Variants in EPHA6 observed in about 807,000 individuals in gnomAD.
The protein encoded by EPHA6 is ephrin type-A receptor 6.
EPHA6 carries 50 observed loss-of-function variants against 112.0 expected under a neutral mutation model. The observed-to-expected ratio is 0.45, with a 90% CI of 0.36 to 0.56. EPHA6 has a LOEUF of 0.56. EPHA6 is among the 20% of genes least tolerant of loss of function. EPHA6 has a pLI of 0.00. For synonymous variants in EPHA6, 529 were observed against 490.7 expected (o/e 1.08, Z -1.03); for missense variants, 1,280 against 1,417.4 (o/e 0.90, Z 1.56).
At chr3:96,978,152 C>A (rs1214488910) in intron 2 of EPHA6, among the ~76,000 whole-genome samples, 1 of 151,918 alleles carries the variant, frequency 6.6e-6, no homozygotes, top group Non-Finnish European at 1.5e-5. Flanking sequence ...AGAGTGAGAC[C>A]CTATCTCAGA....
chr3:97,494,337 CAGTA>C (rs1391315735), intron 10 of EPHA6, among the ~76,000 whole-genome samples: 1 of 152,164 alleles, frequency 6.6e-6, no homozygotes, highest in Non-Finnish European at 1.5e-5. Flanking sequence ...ACTTTCCTCG[CAGTA>C]AGTGACACTT....
At chr3:97,652,478 G>C (rs949937190) in intron 14 of EPHA6, among the ~76,000 whole-genome samples, 1 of 152,024 alleles carries the variant, frequency 6.6e-6, no homozygotes, top group Non-Finnish European at 1.5e-5. Context: ...GTCAGTTATA[G>C]TTATACCACT....
At chr3:97,541,273 A>G (rs764315030) in intron 11 of EPHA6, among the ~76,000 whole-genome samples, 1 of 152,194 alleles carries the variant, frequency 6.6e-6, no homozygotes, top group African/African-American at 2.4e-5. Flanking sequence ...TCATTTTGGT[A>G]TAATTTCAGT....
intron 14 of EPHA6, among the ~76,000 whole-genome samples, chr3:97,669,529 A>G (rs1334201580): frequency 6.6e-6 from 1 of 151,572 alleles, no homozygotes; most frequent in Non-Finnish European, 1.5e-5. Flanking sequence ...GCTTAGGCTG[A>G]GAGAGGAGGA....
At chr3:97,534,566 C>T (rs2092737647) in intron 11 of EPHA6, among the ~76,000 whole-genome samples, 1 of 145,442 alleles carries the variant, frequency 6.9e-6, no homozygotes, top group Non-Finnish European at 1.5e-5. Flanking sequence ...AATTAAATAA[C>T]ATAATTCTGC....
chr3:97,566,782 T>G (rs1406813193), intron 11 of EPHA6, among the ~76,000 whole-genome samples: 2 of 152,176 alleles, frequency 1.3e-5, no homozygotes, highest in Non-Finnish European at 2.9e-5. Flanking sequence ...TACTATCCGG[T>G]GAGCTTTTTC....
Position 97,424,184 on chromosome 3 carries a change from A to G in EPHA6, c.1731+18910A>G, listed in dbSNP as rs185032640. 8.1e-3 allele frequency among the ~76,000 whole-genome samples: 1,227 copies of G among 152,294 alleles called. 20 individuals are homozygous for G. Among genetic ancestry groups the G allele is most frequent in the African/African-American group, 0.028 (1,144 of 41,558 alleles). ...AGGAACTCTCATTTATAAAACCATC[A>G]GATCTCCTGAGACTTGTTCAGTACC... On this transcript the variant is annotated intron_variant, in intron 6 of 17. Transcript: ENST00000389672.
At chr3:97,235,541 T>C (rs1215467477) in intron 4 of EPHA6, among the ~76,000 whole-genome samples, 1 of 152,156 alleles carries the variant, frequency 6.6e-6, no homozygotes, top group Non-Finnish European at 1.5e-5. Flanking sequence ...CTCTCAACTT[T>C]CCTTTGGGTT....
chr3:97,157,301 A>G (rs1438880471), intron 3 of EPHA6, among the ~76,000 whole-genome samples: 1 of 152,118 alleles, frequency 6.6e-6, no homozygotes, highest in East Asian at 1.9e-4. Context: ...AGTACATTCT[A>G]TTGCTTCCAG....
At chr3:96,948,561 CT>C (rs2041386846) in intron 2 of EPHA6, among the ~76,000 whole-genome samples, 1 of 152,100 alleles carries the variant, frequency 6.6e-6, no homozygotes, top group African/African-American at 2.4e-5. Flanking sequence ...TGTAATTACA[CT>C]TTGATTAAAA....
chr3:96,816,241 T>G (rs1044423951), intron 1 of EPHA6, among the ~76,000 whole-genome samples: 1 of 152,212 alleles, frequency 6.6e-6, no homozygotes, highest in Non-Finnish European at 1.5e-5. Flanking sequence ...TTTGGCATAT[T>G]TTCCTAATTA....
chr3:97,452,715 C>T (rs950519872), intron 7 of EPHA6, among the ~76,000 whole-genome samples: 2 of 151,632 alleles, frequency 1.3e-5, no homozygotes, highest in African/African-American at 4.8e-5. Context: ...AAAATTTTCT[C>T]AAGATTAAAA....
chr3:97,263,513 C>T (rs1259412217), intron 5 of EPHA6, among the ~76,000 whole-genome samples: 1 of 150,680 alleles, frequency 6.6e-6, no homozygotes, highest in East Asian at 1.9e-4. Context: ...AATGCAACTA[C>T]TTACTTTTCT....
chr3:97,188,161 A>G (rs1417217191), intron 3 of EPHA6, among the ~76,000 whole-genome samples: 1 of 152,124 alleles, frequency 6.6e-6, no homozygotes, highest in Admixed American at 6.6e-5. Flanking sequence ...GGCATGTGCA[A>G]GGCAGCTCAT....
In EPHA6 at chr3:96,933,906, G is replaced by A. The variant is rs919179291; in HGVS notation, c.451-53424G>A. 5.9e-5 allele frequency among the ~76,000 whole-genome samples: 9 copies of A among 151,986 alleles called. No individual in the cohort carries two copies. The East Asian group carries it at 1.7e-3, about 29-fold the overall frequency. On this transcript the variant is annotated intron_variant, in intron 2 of 17. Transcript: ENST00000389672. ...AACAGGAAATGACCAGATGATAGTTGTCATTATTTGGAAGAAATGGCTTGG... is the reference window on the plus strand; with the variant it reads ...AACAGGAAATGACCAGATGATAGTTATCATTATTTGGAAGAAATGGCTTGG...
rs117102971 is a variant in EPHA6, at chr3:97,300,684, C to T, written c.1606+56397C>T. Among the ~76,000 whole-genome samples, 3 of 152,174 alleles carry T rather than the reference C, an allele frequency of 2.0e-5. No homozygotes were observed. The East Asian group carries it at 5.8e-4, about 29-fold the overall frequency. ...TCAGATGTATTCTGTGAGATGCACT[C>T]GGGCATATTTGGATTCACCTGGCCT... On this transcript the variant is annotated intron_variant, in intron 5 of 17. Transcript: ENST00000389672.
At chr3:97,411,963 G>A (rs1328494822) in intron 6 of EPHA6, among the ~76,000 whole-genome samples, 1 of 151,914 alleles carries the variant, frequency 6.6e-6, no homozygotes, top group East Asian at 1.9e-4. Flanking sequence ...TCTTTCCTCT[G>A]GGCATAGGGA....
At position 97,466,448 on chromosome 3, in the gene EPHA6, C is replaced by G. The variant is rs748969144; in HGVS notation, c.1895-8904C>G. 5 of 1,544,980 alleles carry G rather than the reference C, an allele frequency of 3.2e-6. No homozygotes were observed. The East Asian group carries it at 1.1e-4, about 35-fold the overall frequency. On this transcript the variant is annotated intron_variant, in intron 7 of 17. Coordinates refer to ENST00000389672, the MANE Select transcript of EPHA6 (RefSeq NM_001080448.3). Reference sequence around the variant, plus strand: ...CTCCATTTCAAGTGACAAAACTGTACTGGCTTAATGAAAAGTGGGACTTTA... The same window carrying G: ...CTCCATTTCAAGTGACAAAACTGTAGTGGCTTAATGAAAAGTGGGACTTTA...
At chr3:96,896,899 CT>C (rs2038300959) in intron 2 of EPHA6, among the ~76,000 whole-genome samples, 1 of 152,016 alleles carries the variant, frequency 6.6e-6, no homozygotes, top group Non-Finnish European at 1.5e-5. Context: ...AACTTCTGCC[CT>C]TAATTCTTAA....
Sources: gnomAD v4.1 joint callset for allele counts (sites outside exome capture counted in the v4.1 genomes callset) on GRCh38, gnomAD v4.1.1 for gene constraint, MANE v1.5 for transcripts, NCBI Gene and HGNC (gene_info 2026-07-23, HGNC 2026-07-21) for gene names.